GPHN: variants seen among roughly 807,000 people sequenced by gnomAD.
The protein encoded by GPHN is gephyrin.
A neutral mutation model predicts 95.5 loss-of-function variants in GPHN; 17 were observed. The ratio of observed to expected loss-of-function variants is 0.18; its 90% CI spans 0.12 to 0.27. The LOEUF (loss-of-function observed/expected upper bound fraction) is 0.27, where lower values mean the gene tolerates loss of function less well. Among genes scored for constraint, GPHN ranks in the 10% least tolerant of loss-of-function variants. The pLI is 1.00. For missense variants in GPHN, 660 were observed against 978.1 expected (o/e 0.67, Z 4.34); for synonymous variants, 320 against 322.5 (o/e 0.99, Z 0.08).
rs1400919773 is a variant in GPHN, at chr14:67,089,027, A to C, written c.1189A>C (p.Asn397His). Residue 397 changes from asparagine (N) to histidine (H), a missense_variant, in exon 12 of 23, where the codon AAT becomes CAT. Physicochemically the swap from Asn to His is moderately conservative, Grantham distance 68 (BLOSUM62 1). This residue lies in a region of GPHN where 257 missense variants were observed against 376.2 expected (regional missense o/e 0.68). Coordinates refer to ENST00000478722, the MANE Select transcript of GPHN (RefSeq NM_020806.5). ...VLAQDVYAKD[N>H]LPPFPASVKD... ...TGCTCAAGATGTATATGCAAAAGAC[A>C]ATTTACCCCCCTTCCCAGCATCAGT... 1.2e-6 allele frequency: 2 copies of C among 1,607,476 alleles called. No individual in the cohort carries two copies. The highest frequency in any genetic ancestry group is 1.7e-6 in the Non-Finnish European group (2 of 1,174,214).
the GPHN span, chr14:67,573,509 G>A: frequency 8.5e-6 from 6 of 704,974 alleles, no homozygotes; most frequent in Non-Finnish European, 1.4e-5. The surrounding 1 kb of genome is among the most constrained non-coding windows in gnomAD (Gnocchi z 4.8). Context: ...CTGGCAGGTG[G>A]GGAGAGGCAA....
the GPHN span, chr14:67,200,199 G>A: frequency 1.9e-3 from 2,190 of 1,128,072 alleles, 38 homozygotes; most frequent in African/African-American, 0.03. Flanking sequence ...CTCCACTGAT[G>A]CCCCCCATGG....
intron 9 of GPHN, among the ~76,000 whole-genome samples, chr14:67,016,171 T>A (rs7144580): frequency 6.6e-6 from 1 of 151,974 alleles, no homozygotes; most frequent in African/African-American, 2.4e-5. Flanking sequence ...GCTCAGAGAC[T>A]TTTAACCTTT....
intron 1 of GPHN, among the ~76,000 whole-genome samples, chr14:66,651,837 C>T (rs991764704): frequency 4.0e-5 from 6 of 151,788 alleles, no homozygotes; most frequent in South Asian, 4.2e-4. Context: ...CCCATCACCC[C>T]GAGATGGGAC....
chr14:67,699,400 T>A, the GPHN span, among the ~76,000 whole-genome samples: 486 of 151,430 alleles, frequency 3.2e-3, 15 homozygotes, highest in East Asian at 0.079. Context: ...ACCAAAAATT[T>A]AAAAAATAAA....
At chr14:66,618,571 A>C (rs2063149555) in intron 1 of GPHN, among the ~76,000 whole-genome samples, 4 of 152,008 alleles carry the variant, frequency 2.6e-5, no homozygotes, top group Admixed American at 2.0e-4. Context: ...TTGCATCTCT[A>C]CTCATGGAAA....
the GPHN span, among the ~76,000 whole-genome samples, chr14:67,548,889 A>T: frequency 6.6e-6 from 1 of 152,136 alleles, no homozygotes; most frequent in African/African-American, 2.4e-5. Flanking sequence ...ACCTACCAAA[A>T]ATTTGTAGTT....
chr14:67,229,640 T>C, the GPHN span, among the ~76,000 whole-genome samples: 1 of 152,174 alleles, frequency 6.6e-6, no homozygotes, highest in African/African-American at 2.4e-5. Flanking sequence ...TACGCCAGAT[T>C]TGGAAGTCTT....
chr14:66,681,608 T>C (rs974692345), intron 2 of GPHN, among the ~76,000 whole-genome samples: 1 of 152,166 alleles, frequency 6.6e-6, no homozygotes, highest in Non-Finnish European at 1.5e-5. Context: ...CATTTGAATA[T>C]GTTAGATATA....
chr14:66,912,130 C>T (rs2065702373), intron 5 of GPHN, among the ~76,000 whole-genome samples: 1 of 152,084 alleles, frequency 6.6e-6, no homozygotes, highest in Non-Finnish European at 1.5e-5. Flanking sequence ...AGATTACTTT[C>T]CAGGGCCTAT....
At chr14:67,674,613 C>T in the GPHN span, 1 of 707,154 alleles carries the variant, frequency 1.4e-6, no homozygotes, top group East Asian at 3.3e-5. Context: ...CCGCCCAGGA[C>T]GAGGCTCTTC....
At chr14:67,277,095 C>G in the GPHN span, among the ~76,000 whole-genome samples, 1 of 152,122 alleles carries the variant, frequency 6.6e-6, no homozygotes, top group African/African-American at 2.4e-5. Flanking sequence ...AATTTTTCTG[C>G]TTACTTGTAA....
intron 1 of GPHN, among the ~76,000 whole-genome samples, chr14:66,655,882 A>T (rs1231923097): frequency 1.3e-5 from 2 of 152,104 alleles, no homozygotes; most frequent in Non-Finnish European, 2.9e-5. Context: ...CAAACTGTTA[A>T]TATGATGTTT....
Position 67,168,693 on chromosome 14 carries a change from C to T in GPHN, c.1976-240C>T, listed in dbSNP as rs531009265. 5.3e-5 allele frequency among the ~76,000 whole-genome samples: 8 copies of T among 152,012 alleles called. No homozygotes were observed. The East Asian group carries it at 1.5e-3, about 29-fold the overall frequency. The stretch of plus-strand genomic sequence containing the variant: ...CTCTCAGGAAAGCGGAAATAAATGG[C>T]GTTAAACAGCTTCTGGGCAGCAGAA... On this transcript the variant is annotated intron_variant, in intron 20 of 22. Transcript: ENST00000478722.
At chr14:67,064,736 A>G (rs1262679592) in intron 11 of GPHN, among the ~76,000 whole-genome samples, 1 of 152,148 alleles carries the variant, frequency 6.6e-6, no homozygotes, top group African/African-American at 2.4e-5. Flanking sequence ...TGTTTATGGT[A>G]TTCTCTGATG....
chr14:66,997,334 T>G (rs1480740412), intron 9 of GPHN, among the ~76,000 whole-genome samples: 1 of 147,096 alleles, frequency 6.8e-6, no homozygotes, highest in Non-Finnish European at 1.5e-5. Context: ...GCAATTGCAC[T>G]CTAGCCTGGG....
the GPHN span, among the ~76,000 whole-genome samples, chr14:67,553,067 C>T: frequency 2.0e-5 from 3 of 152,152 alleles, no homozygotes; most frequent in Admixed American, 1.3e-4. Context: ...GAGGTAAGAC[C>T]CAAGTTTATC....
At chr14:67,116,708 A>G (rs2078716164) in intron 16 of GPHN, among the ~76,000 whole-genome samples, 1 of 152,204 alleles carries the variant, frequency 6.6e-6, no homozygotes, top group South Asian at 2.1e-4. Context: ...AAGCCAATCA[A>G]ATCTGTCCAG....
the GPHN span, among the ~76,000 whole-genome samples, chr14:67,483,922 G>A: frequency 6.6e-6 from 1 of 152,250 alleles, no homozygotes; most frequent in South Asian, 2.1e-4. Context: ...GGCAGGGTGA[G>A]TGGGCTTGGG....
Sources: allele counts gnomAD v4.1 joint callset (sites outside exome capture counted in the v4.1 genomes callset), GRCh38; gene constraint gnomAD v4.1.1; regional missense constraint gnomAD v4.1.1; non-coding constraint Gnocchi (gnomAD v3.1); transcripts MANE v1.5; gene names NCBI Gene and HGNC (gene_info 2026-07-23, HGNC 2026-07-21).